STRIP1: variants seen among roughly 807,000 people sequenced by gnomAD.
The protein encoded by STRIP1 is striatin interacting protein 1.
In STRIP1, 63 loss-of-function variants were observed where a neutral mutation model predicts 106.2. The observed-to-expected ratio is 0.59, with a 90% confidence interval of 0.48 to 0.73. STRIP1 has a LOEUF of 0.73. Ranked by LOEUF, STRIP1 falls within the 30% of genes least tolerant of loss-of-function variation. The pLI is 0.00. For missense variants in STRIP1, 857 were observed against 1,074.8 expected, an observed-to-expected ratio of 0.80 and a Z score of 2.83; for synonymous variants, 390 against 413.0, an observed-to-expected ratio of 0.94 and a Z score of 0.67.
intron 10 of STRIP1, among the ~76,000 whole-genome samples, chr1:110,044,063 A>G (rs1652906777): frequency 6.6e-6 from 1 of 152,232 alleles, no homozygotes; most frequent in Non-Finnish European, 1.5e-5. Flanking sequence ...CATGGCCCTC[A>G]TGTGGCTACT....
intron 20 of STRIP1, 21 bp from the exon 21 acceptor site, chr1:110,053,644 T>C (rs368364360): frequency 3.1e-6 from 5 of 1,613,084 alleles, no homozygotes; most frequent in Non-Finnish European, 4.2e-6. Flanking sequence ...CCTAACGGTG[T>C]TTCTTCCTGC....
intron 6 of STRIP1, 51 bp downstream of exon 6, chr1:110,040,754 C>A: frequency 6.5e-7 from 1 of 1,526,788 alleles, no homozygotes; most frequent in Non-Finnish European, 8.9e-7. Context: ...GAGATGAGAT[C>A]AGAGCAGGGT....
chr1:110,034,335 G>C (rs533293624), upstream of STRIP1, among the ~76,000 whole-genome samples: 51 of 152,200 alleles, frequency 3.4e-4, no homozygotes, highest in Middle Eastern at 3.4e-3. Flanking sequence ...ACAAGGCTAT[G>C]AGTTATAAGT....
intron 20 of STRIP1, among the ~76,000 whole-genome samples, chr1:110,053,062 C>T (rs1401521569): frequency 6.6e-6 from 1 of 152,228 alleles, no homozygotes; most frequent in Non-Finnish European, 1.5e-5. Flanking sequence ...GTCAGTCCAG[C>T]CTCCATCATA....
chr1:110,035,385 G>T (rs1652402430), intron 1 of STRIP1, among the ~76,000 whole-genome samples: 1 of 152,232 alleles, frequency 6.6e-6, no homozygotes, highest in Non-Finnish European at 1.5e-5. Flanking sequence ...ACCTGAGCCA[G>T]ATCAGGCCAT....
intron 17 of STRIP1, 166 bp downstream of exon 17, chr1:110,049,726 C>T: frequency 1.7e-6 from 1 of 593,168 alleles, no homozygotes; most frequent in Non-Finnish European, 3.0e-6. Context: ...GGAGAGCCCA[C>T]TGTGTCAAAT....
chr1:110,054,085 G>A lies in STRIP1; in HGVS notation c.*173G>A. On this transcript the variant is annotated 3_prime_UTR_variant, in exon 21 of 21. Transcript: ENST00000369795. ...GTGAGCCCAGCTTGACCTCCCCTTG[G>A]TTCCCAGGGTCCTGCTCCGAAGCAG... The A allele has an allele frequency of 4.3e-6, 3 of 691,934 alleles. No individual in the cohort carries two copies. Among genetic ancestry groups the A allele is most frequent in the Middle Eastern group, 4.1e-4 (1 of 2,428 alleles). 42.9% of individuals were successfully genotyped at this position (691,934 alleles called of 1,614,324 possible). A position where few individuals can be genotyped will look rare whatever the true frequency, so the allele number is the denominator to read the frequency against.
chr1:110,035,335 G>A (rs538246583), intron 1 of STRIP1, among the ~76,000 whole-genome samples: 1 of 152,344 alleles, frequency 6.6e-6, no homozygotes, highest in East Asian at 1.9e-4. Context: ...AATTATCATT[G>A]AGAGTAGAGT....
chr1:110,048,966 C>A, intron 15 of STRIP1, 146 bp from the exon 16 acceptor site: 1 of 864,294 alleles, frequency 1.2e-6, no homozygotes, highest in African/African-American at 1.7e-5. Context: ...TGGGGGAGCC[C>A]TCGGCTGACT....
chr1:110,034,628 A>C lies in STRIP1; in HGVS notation c.-10A>C. ...TGCGCGAGTTAAGCTGGGGGTGTGG[A>C]GCAGCCAAGATGGAGCCGGCAGTCG... On this transcript the variant is annotated 5_prime_UTR_variant, in exon 1 of 21. Coordinates refer to ENST00000369795, the MANE Select transcript of STRIP1 (RefSeq NM_033088.4). 1 of 1,517,116 alleles carries C rather than the reference A, an allele frequency of 6.6e-7. No individual in the cohort carries two copies. The allele number at this position is 1,517,116 out of a possible 1,614,324, so 94.0% of individuals were successfully genotyped here.
chr1:110,037,761 A>G (rs1209677070), intron 1 of STRIP1, 130 bp from the exon 2 acceptor site: 1 of 625,922 alleles, frequency 1.6e-6, no homozygotes, highest in Non-Finnish European at 2.8e-6. Flanking sequence ...AGGTTTTAGG[A>G]AACAAAATGT....
intron 5 of STRIP1, among the ~76,000 whole-genome samples, chr1:110,040,176 TTTTTTGTTTTTG>T (rs910557063): frequency 2.6e-5 from 4 of 152,096 alleles, no homozygotes; most frequent in East Asian, 1.9e-4. Context: ...TTTTTGTGTT[TTTTTTGTTTTTG>T]TTTTTGTTTT....
intron 15 of STRIP1, 139 bp from the exon 16 acceptor site, chr1:110,048,973 G>A: frequency 1.0e-6 from 1 of 956,172 alleles, no homozygotes; most frequent in Middle Eastern, 3.2e-4. Context: ...GCCCTCGGCT[G>A]ACTTCTGAGA....
intron 15 of STRIP1, among the ~76,000 whole-genome samples, 155 bp from the exon 16 acceptor site, chr1:110,048,957 G>A (rs1035966937): frequency 2.0e-5 from 3 of 152,182 alleles, no homozygotes; most frequent in African/African-American, 7.2e-5. Context: ...GGAGGTGGAT[G>A]GGGGAGCCCT....
At chr1:110,046,560 A>T in intron 12 of STRIP1, 120 bp from the exon 13 acceptor site, 1 of 854,746 alleles carries the variant, frequency 1.2e-6, no homozygotes, top group Non-Finnish European at 2.0e-6. Context: ...TTTTGTGGTG[A>T]CTTAATCCTC....
upstream of STRIP1, among the ~76,000 whole-genome samples, chr1:110,033,576 A>G (rs1052407439): frequency 2.6e-5 from 4 of 152,198 alleles, no homozygotes; most frequent in Admixed American, 1.3e-4. Flanking sequence ...TCTCACGGTG[A>G]GAAAGCAAGA....
At chr1:110,052,631 A>G (rs1357970215) in intron 20 of STRIP1, among the ~76,000 whole-genome samples, 1 of 151,780 alleles carries the variant, frequency 6.6e-6, no homozygotes, top group Non-Finnish European at 1.5e-5. Flanking sequence ...CACCATGTCC[A>G]GCTAATTTTT....
Position 110,045,105 on chromosome 1 carries a change from C to T in STRIP1, c.1416+27C>T, listed in dbSNP as rs377704348. The T allele has an allele frequency of 3.9e-5, 63 of 1,610,480 alleles. No individual in the cohort carries two copies. The African/African-American group carries it at 8.2e-4, about 21-fold the overall frequency. ...TGAGTGGCTTTGGGTGAGCTTTTGGCTTGTTTGGTCCTAAGTGAGTAGAGT... is the reference window on the plus strand; with the variant it reads ...TGAGTGGCTTTGGGTGAGCTTTTGGTTTGTTTGGTCCTAAGTGAGTAGAGT... On this transcript the variant is annotated intron_variant, in intron 12 of 20. Coordinates refer to ENST00000369795, the MANE Select transcript of STRIP1 (RefSeq NM_033088.4).
At chr1:110,040,516 C>T in intron 5 of STRIP1, 119 bp from the exon 6 acceptor site, 1 of 931,050 alleles carries the variant, frequency 1.1e-6, no homozygotes, top group Non-Finnish European at 1.6e-6. Flanking sequence ...GTCCTGTGGC[C>T]TCTTGTGCAG....
Sources: gnomAD v4.1 joint callset for allele counts (sites outside exome capture counted in the v4.1 genomes callset) on GRCh38, gnomAD v4.1.1 for gene constraint, MANE v1.5 for transcripts, NCBI Gene and HGNC (gene_info 2026-07-23, HGNC 2026-07-21) for gene names.